The following HIVEP3 variants were observed in gnomAD, a reference collection of about 807,000 sequenced individuals.
HIVEP3 encodes transcription factor HIVEP3.
In HIVEP3, 49 loss-of-function variants were observed where a neutral mutation model predicts 152.8. The observed-to-expected ratio is 0.32, with a 90% CI of 0.26 to 0.41. The LOEUF (loss-of-function observed/expected upper bound fraction) is 0.41. Among genes scored for constraint, HIVEP3 ranks in the 10% least tolerant of loss-of-function variants. The probability of loss-of-function intolerance (pLI) is 1.00; values close to 1 mark genes in which losing one functional copy is unlikely to be tolerated. For synonymous variants in HIVEP3, 1,269 were observed against 1,289.0 expected, an observed-to-expected ratio of 0.98 and a Z score of 0.33; for missense variants, 2,790 against 3,103.3, an observed-to-expected ratio of 0.90 and a Z score of 2.40.
intron 1 of HIVEP3, among the ~76,000 whole-genome samples, chr1:42,008,143 G>A (rs939482201): frequency 4.1e-5 from 6 of 146,164 alleles, no homozygotes; most frequent in African/African-American, 1.7e-4. Context: ...CTGAAAATAT[G>A]ATGGAATGTA....
intron 1 of HIVEP3, among the ~76,000 whole-genome samples, chr1:41,818,491 T>G (rs566771143): frequency 1.2e-4 from 18 of 152,232 alleles, no homozygotes; most frequent in African/African-American, 4.3e-4. Flanking sequence ...TGTTCAAGTA[T>G]TGTTTCTCTT....
chr1:41,757,515 G>A (rs1647391377), intron 1 of HIVEP3, among the ~76,000 whole-genome samples: 1 of 151,826 alleles, frequency 6.6e-6, no homozygotes, highest in Non-Finnish European at 1.5e-5. Context: ...AGTGAGCTAT[G>A]CTCATGCCAC....
At chr1:41,882,277 G>A (rs935540793) in intron 1 of HIVEP3, among the ~76,000 whole-genome samples, 4 of 152,150 alleles carry the variant, frequency 2.6e-5, no homozygotes, top group South Asian at 2.1e-4. Flanking sequence ...AGCTGCACGC[G>A]GGAGGGAAAA....
At chr1:41,714,925 G>C (rs1308174896) in intron 1 of HIVEP3, among the ~76,000 whole-genome samples, 1 of 152,138 alleles carries the variant, frequency 6.6e-6, no homozygotes, top group Non-Finnish European at 1.5e-5. Context: ...TTGAGGTTCA[G>C]ACTGTCTTCC....
At chr1:41,841,915 TC>T (rs1276405393) in intron 1 of HIVEP3, among the ~76,000 whole-genome samples, 1 of 151,584 alleles carries the variant, frequency 6.6e-6, no homozygotes, top group Non-Finnish European at 1.5e-5. Flanking sequence ...CATGGTGAAA[TC>T]CCCCCATCTC....
At chr1:41,567,737 T>C (rs1177758422) in intron 5 of HIVEP3, among the ~76,000 whole-genome samples, 2 of 152,218 alleles carry the variant, frequency 1.3e-5, no homozygotes, top group South Asian at 2.1e-4. Context: ...TTTCTGGCAT[T>C]ATGTATTTCA....
intron 1 of HIVEP3, among the ~76,000 whole-genome samples, chr1:41,837,042 C>T (rs1455942446): frequency 1.3e-5 from 2 of 152,200 alleles, no homozygotes; most frequent in African/African-American, 4.8e-5. Context: ...AGGATTGGGC[C>T]TTGCCCTTCT....
At chr1:41,732,410 C>T (rs11210517) in intron 1 of HIVEP3, among the ~76,000 whole-genome samples, 6,694 of 152,144 alleles carry the variant, frequency 0.044, 493 homozygotes, top group African/African-American at 0.15. Context: ...TAGCAGAGGG[C>T]GGTCTTAACA....
intron 1 of HIVEP3, among the ~76,000 whole-genome samples, chr1:41,898,503 C>T (rs991502882): frequency 6.6e-6 from 1 of 152,240 alleles, no homozygotes; most frequent in African/African-American, 2.4e-5. Flanking sequence ...ACCATTACCT[C>T]CCTGTCCTGG....
chr1:41,922,141 T>G (rs1035560245), upstream of HIVEP3, among the ~76,000 whole-genome samples: 1 of 152,200 alleles, frequency 6.6e-6, no homozygotes, highest in Non-Finnish European at 1.5e-5. Flanking sequence ...TCAAATGCTG[T>G]GCTAGGCAGC....
At chr1:41,707,557 C>A (rs573870852) in intron 1 of HIVEP3, among the ~76,000 whole-genome samples, 1 of 152,250 alleles carries the variant, frequency 6.6e-6, no homozygotes, top group Non-Finnish European at 1.5e-5. Context: ...GCCTAGAGGA[C>A]AAATGTGTGA....
At chr1:41,645,133 C>T (rs78068971) in intron 2 of HIVEP3, among the ~76,000 whole-genome samples, 3,607 of 152,280 alleles carry the variant, frequency 0.024, 153 homozygotes, top group African/African-American at 0.083. Context: ...AACACTCCAG[C>T]CCCTGCTGCT....
At chr1:41,576,047 G>A (rs1002572257) in intron 4 of HIVEP3, among the ~76,000 whole-genome samples, 1 of 152,224 alleles carries the variant, frequency 6.6e-6, no homozygotes, top group Non-Finnish European at 1.5e-5. Flanking sequence ...ACCCCATACA[G>A]GGCCTGTCTC....
chr1:41,746,053 C>T (rs771194628), intron 1 of HIVEP3, among the ~76,000 whole-genome samples: 14 of 152,310 alleles, frequency 9.2e-5, no homozygotes, highest in South Asian at 4.1e-4. Context: ...ACTTCTGGCC[C>T]TAATCATGCA....
rs778697152 is a variant in HIVEP3, at chr1:41,513,201, G to T, written c.6020C>A (p.Ala2007Asp). 3.1e-6 allele frequency: 5 copies of T among 1,613,880 alleles called. No homozygotes were observed. The Admixed American group carries it at 6.7e-5, about 22-fold the overall frequency. ...CSPAREPQAS[A>D]PSPPGLHVDP... ...CACGTGCAGGCCAGGTGGGCTTGGG[G>T]CTGAGGCCTGTGGTTCTCGGGCCGG... Residue 2007 changes from alanine to aspartate, a missense_variant, in exon 8 of 9, where the codon GCC (alanine) becomes GAC (aspartate). This residue lies in a region of HIVEP3 where 816 missense variants were observed against 806.5 expected (regional missense o/e 1.01). Transcript: ENST00000372583.
At chr1:41,766,454 A>ATTAATTAATTAATACCC (rs1648014412) in intron 1 of HIVEP3, among the ~76,000 whole-genome samples, 1 of 152,220 alleles carries the variant, frequency 6.6e-6, no homozygotes, top group Non-Finnish European at 1.5e-5. Context: ...CCATTAATTG[A>ATTAATTAATTAATACCC]GCACTTGCTG....
chr1:41,960,176 G>A (rs1274813050), intron 1 of HIVEP3, among the ~76,000 whole-genome samples: 1 of 152,196 alleles, frequency 6.6e-6, no homozygotes, highest in Non-Finnish European at 1.5e-5. Context: ...AGCCAGAAGT[G>A]CTAGCCAAGA....
chr1:41,688,826 T>C (rs1055720225), intron 2 of HIVEP3, among the ~76,000 whole-genome samples: 20 of 152,162 alleles, frequency 1.3e-4, no homozygotes, highest in Non-Finnish European at 2.5e-4. Context: ...GATCTGTTTT[T>C]TTTTTTTGCC....
Position 41,602,677 on chromosome 1 carries a change from A to C in HIVEP3, c.-521-17359T>G, listed in dbSNP as rs1644764772. 2.0e-5 allele frequency among the ~76,000 whole-genome samples: 3 copies of C among 152,004 alleles called. No individual in the cohort carries two copies. In the South Asian group the frequency reaches 6.2e-4, roughly 31 times the overall value. ...TCAATTTAAAAAATCTTTTCAAAAA[A>C]CCAACTCTTAGTTTCATTGATTTTT... On this transcript the variant is annotated intron_variant, in intron 3 of 8. Transcript: ENST00000372583.
Sources: gnomAD v4.1 joint callset for allele counts (sites outside exome capture counted in the v4.1 genomes callset) on GRCh38, gnomAD v4.1.1 for gene constraint, gnomAD v4.1.1 regional missense constraint, MANE v1.5 for transcripts, NCBI Gene and HGNC (gene_info 2026-07-23, HGNC 2026-07-21) for gene names.